Variants in NRXN3 observed in about 807,000 individuals in gnomAD.
NRXN3 encodes neurexin 3, also known as neurexin III.
A neutral mutation model predicts 137.6 loss-of-function variants in NRXN3; 32 were observed. The observed-to-expected ratio is 0.23, with a 90% CI of 0.18 to 0.31. The LOEUF (loss-of-function observed/expected upper bound fraction) is 0.31. Ranked by LOEUF, NRXN3 falls within the 10% of genes least tolerant of loss-of-function variation. The pLI, the probability that NRXN3 is intolerant of heterozygous loss-of-function variation, is 1.00. For missense variants in NRXN3, 1,574 were observed against 2,062.5 expected (o/e 0.76, Z 4.59); for synonymous variants, 798 against 784.5 (o/e 1.02, Z -0.29).
chr14:79,684,728 T>G (rs1435981538), intron 17 of NRXN3, among the ~76,000 whole-genome samples: 1 of 152,132 alleles, frequency 6.6e-6, no homozygotes, highest in Admixed American at 6.6e-5. Context: ...AAAAATCAAA[T>G]ATTCTGGCAT....
At position 79,818,993 on chromosome 14, in the gene NRXN3, C is replaced by T. The variant is rs75862106; in HGVS notation, c.4093+13803C>T. Among the ~76,000 whole-genome samples the T allele has an allele frequency of 6.6e-5, 10 of 152,276 alleles. No individual in the cohort carries two copies. In the East Asian group the frequency reaches 1.9e-3, roughly 29 times the overall value. ...TTGAAAATGTTTGCATACCCTCTGT[C>T]CTAGAGCAGTGCTTCCATCTTAGCT... On this transcript the variant is annotated intron_variant, in intron 20 of 20. Coordinates refer to ENST00000335750, the MANE Select transcript of NRXN3 (RefSeq NM_001330195.2).
chr14:79,269,427 A>C (rs141768332), intron 15 of NRXN3, among the ~76,000 whole-genome samples: 2 of 152,266 alleles, frequency 1.3e-5, no homozygotes, highest in East Asian at 3.9e-4. Context: ...AATTCCAGCT[A>C]TTCTGACATT....
chr14:78,258,247 T>C (rs2070013106), intron 2 of NRXN3, among the ~76,000 whole-genome samples: 1 of 152,196 alleles, frequency 6.6e-6, no homozygotes, highest in Non-Finnish European at 1.5e-5. Flanking sequence ...AGACAGAGCT[T>C]CAATAATATG....
At chr14:79,046,164 A>G (rs1214617802) in intron 15 of NRXN3, among the ~76,000 whole-genome samples, 1 of 152,162 alleles carries the variant, frequency 6.6e-6, no homozygotes, top group African/African-American at 2.4e-5. Flanking sequence ...CACCTTTTGC[A>G]TTTCTGAAAG....
intron 16 of NRXN3, among the ~76,000 whole-genome samples, chr14:79,573,576 C>T (rs1327427514): frequency 2.0e-5 from 3 of 152,108 alleles, no homozygotes; most frequent in Admixed American, 6.6e-5. Flanking sequence ...ATACACCATG[C>T]ACTCTCAGTG....
chr14:78,182,690 C>G (rs757084857), intron 1 of NRXN3, among the ~76,000 whole-genome samples: 1 of 152,028 alleles, frequency 6.6e-6, no homozygotes, highest in African/African-American at 2.4e-5. Context: ...AGGCTGGTCT[C>G]GAACTCCCAA....
chr14:78,881,051 C>G (rs1254103441), intron 10 of NRXN3, among the ~76,000 whole-genome samples: 2 of 151,824 alleles, frequency 1.3e-5, no homozygotes, highest in African/African-American at 2.4e-5. Flanking sequence ...AGGGGATTTT[C>G]CCCCTTTTGC....
chr14:78,455,544 G>A (rs2094674787), intron 4 of NRXN3, among the ~76,000 whole-genome samples: 2 of 152,182 alleles, frequency 1.3e-5, no homozygotes, highest in Admixed American at 6.5e-5. Context: ...TTAACAGCCT[G>A]CCTGTTCCAC....
chr14:78,576,040 A>C (rs1010037443), intron 4 of NRXN3, among the ~76,000 whole-genome samples: 1 of 152,260 alleles, frequency 6.6e-6, no homozygotes, highest in Admixed American at 6.5e-5. Context: ...ATATTCATGA[A>C]GTAAAAATGT....
chr14:79,199,627 A>G (rs2065659347), intron 15 of NRXN3, among the ~76,000 whole-genome samples: 1 of 152,208 alleles, frequency 6.6e-6, no homozygotes, highest in Admixed American at 6.5e-5. Context: ...GTTAAGAGCA[A>G]ATCAACTGAT....
At chr14:78,858,296 A>G (rs1015687766) in intron 10 of NRXN3, among the ~76,000 whole-genome samples, 1 of 152,078 alleles carries the variant, frequency 6.6e-6, no homozygotes, top group African/African-American at 2.4e-5. Context: ...ACAATCCTTG[A>G]CCTGCCATGC....
intron 20 of NRXN3, among the ~76,000 whole-genome samples, chr14:79,849,339 A>G (rs893229492): frequency 5.3e-5 from 8 of 152,236 alleles, no homozygotes; most frequent in Non-Finnish European, 8.8e-5. Flanking sequence ...AGGAAAACAT[A>G]TTTGCAAACC....
At chr14:79,261,641 G>GTGTGTGTGTGTT (rs2077602266) in intron 15 of NRXN3, among the ~76,000 whole-genome samples, 1 of 138,616 alleles carries the variant, frequency 7.2e-6, no homozygotes, top group Non-Finnish European at 1.6e-5. Flanking sequence ...GTGTGTGTGT[G>GTGTGTGTGTGTT]TGATGGGGTG....
intron 15 of NRXN3, among the ~76,000 whole-genome samples, chr14:79,373,746 A>G (rs545471285): frequency 3.9e-5 from 6 of 152,290 alleles, no homozygotes; most frequent in Non-Finnish European, 8.8e-5. Flanking sequence ...GCCAGGATAT[A>G]CTCGAAAAGC....
chr14:79,011,996 G>T (rs1391466055), intron 15 of NRXN3, among the ~76,000 whole-genome samples: 1 of 152,178 alleles, frequency 6.6e-6, no homozygotes, highest in Non-Finnish European at 1.5e-5. Context: ...TACCATGCAA[G>T]AATTTTATTT....
intron 15 of NRXN3, among the ~76,000 whole-genome samples, chr14:79,419,950 A>G (rs1293062166): frequency 2.0e-5 from 3 of 152,222 alleles, no homozygotes; most frequent in Non-Finnish European, 4.4e-5. Context: ...AAGGCAGGAC[A>G]TGACAACTGT....
chr14:79,689,678 G>A (rs1276727831), intron 17 of NRXN3, among the ~76,000 whole-genome samples: 1 of 152,054 alleles, frequency 6.6e-6, no homozygotes, highest in African/African-American at 2.4e-5. Flanking sequence ...TCATGACCAT[G>A]CTGTCCTTCC....
At chr14:78,482,200 T>C (rs2095484845) in intron 4 of NRXN3, among the ~76,000 whole-genome samples, 1 of 152,214 alleles carries the variant, frequency 6.6e-6, no homozygotes, top group South Asian at 2.1e-4. Flanking sequence ...GATATACTCT[T>C]GTCAACTGAT....
intron 17 of NRXN3, among the ~76,000 whole-genome samples, chr14:79,667,551 T>C (rs2098570071): frequency 6.6e-6 from 1 of 152,020 alleles, no homozygotes; most frequent in Non-Finnish European, 1.5e-5. Context: ...ACTGGCTCTT[T>C]CTTTGTGAAT....
Sources: gnomAD v4.1 joint callset for allele counts (sites outside exome capture counted in the v4.1 genomes callset) on GRCh38, gnomAD v4.1.1 for gene constraint, MANE v1.5 for transcripts, NCBI Gene and HGNC (gene_info 2026-07-23, HGNC 2026-07-21) for gene names.